Variants in SHISAL1 observed in about 807,000 individuals in gnomAD.
SHISAL1 encodes shisa like 1, also known as protein shisa-like-1.
A neutral mutation model predicts 22.6 loss-of-function variants in SHISAL1; 9 were observed. The ratio of observed to expected loss-of-function variants is 0.40; its 90% CI spans 0.24 to 0.70. The LOEUF (loss-of-function observed/expected upper bound fraction) is 0.70. Among genes scored for constraint, SHISAL1 ranks in the 30% least tolerant of loss-of-function variants. SHISAL1 has a pLI of 0.39. For missense variants in SHISAL1, 246 were observed against 270.6 expected (o/e 0.91, Z 0.64); for synonymous variants, 119 against 115.4 (o/e 1.03, Z -0.20).
In SHISAL1 at chr22:44,250,670, C is replaced by T. The variant is rs569819420; in HGVS notation, c.*-985G>A. 3.9e-4 allele frequency among the ~76,000 whole-genome samples: 60 copies of T among 152,210 alleles called. 1 individual carries two copies. The highest frequency in any genetic ancestry group is 3.3e-3 in the Admixed American group (50 of 15,284). On this transcript the variant is annotated intron_variant, in intron 4 of 4. Transcript: ENST00000381176. ...AGTCTATTGGGAAGGGGACATGAAT[C>T]CAGGGGGAAATGAACTATCTTGCAT... is the stretch of plus-strand genomic sequence containing the variant.
chr22:44,275,199 T>A (rs1455267389), intron 4 of SHISAL1, among the ~76,000 whole-genome samples: 1 of 151,942 alleles, frequency 6.6e-6, no homozygotes, highest in East Asian at 1.9e-4. Context: ...AGCTGCCAGG[T>A]GGAAGAGAAG....
rs1485698109 is a variant in SHISAL1, at chr22:44,245,997, CATGT to C, written c.*3684_*3687del. 1 of 152,224 alleles carries C rather than the reference CATGT, an allele frequency of 6.6e-6. No individual in the cohort carries two copies. Among genetic ancestry groups the C allele is most frequent in the Non-Finnish European group, 1.5e-5 (1 of 68,056 alleles). The allele number at this position is 152,224 out of a possible 1,614,324, so 9.4% of individuals were successfully genotyped here. ...TCACCTGTGTGTGTGCGCGCATGTG[CATGT>C]ATGTACTTGTGTGTTTTTTCAATTA... On this transcript the variant is annotated 3_prime_UTR_variant, in exon 5 of 5. Coordinates refer to ENST00000381176, the MANE Select transcript of SHISAL1 (RefSeq NM_001099294.2).
At chr22:44,308,515 C>T (rs576275483) in intron 1 of SHISAL1, among the ~76,000 whole-genome samples, 1 of 152,358 alleles carries the variant, frequency 6.6e-6, no homozygotes, top group East Asian at 1.9e-4. Context: ...CTCTCCAAAG[C>T]CGTAGCCTGG....
upstream of SHISAL1, among the ~76,000 whole-genome samples, chr22:44,315,874 C>A (rs958729142): frequency 6.6e-6 from 1 of 152,168 alleles, no homozygotes; most frequent in East Asian, 1.9e-4. Context: ...GGCAGCAGTT[C>A]CCCGGCCTCA....
At chr22:44,281,716 C>G (rs1239558157) in intron 4 of SHISAL1, among the ~76,000 whole-genome samples, 1 of 152,132 alleles carries the variant, frequency 6.6e-6, no homozygotes, top group Non-Finnish European at 1.5e-5. Flanking sequence ...CGGGTGGAGT[C>G]TTGGGGTCAC....
In SHISAL1 at chr22:44,285,665, G is replaced by A. The variant is rs777892945; in HGVS notation, c.362C>T (p.Ser121Leu). The A allele has an allele frequency of 9.3e-6, 15 of 1,614,042 alleles. No homozygotes were observed. The highest frequency in any genetic ancestry group is 1.3e-5 in the African/African-American group (1 of 74,926). The change falls in exon 4 of 5, where the codon TCG (serine) becomes TTG (leucine). Residue 121 changes from serine to leucine, a missense_variant. Around this residue, in one of 2 missense-constraint regions of SHISAL1, gnomAD observed 136 missense variants for 117.5 expected, o/e 1.16. Transcript: ENST00000381176. ...CTTGCAGATGTCGTAGTTCATTGCC[G>A]AGTAATACAAAAGGTCCAGAACCAG... ...MLLVLDLLYY[S>L]AMNYDICKVY... is the part of the protein sequence containing the mutation.
In SHISAL1 at chr22:44,244,924, G is replaced by A. The variant is rs2054985816; in HGVS notation, c.*4761C>T. On this transcript the variant is annotated 3_prime_UTR_variant, in exon 5 of 5. Coordinates refer to ENST00000381176, the MANE Select transcript of SHISAL1 (RefSeq NM_001099294.2). ...TTGCGTGCATTTAAGCACCAGCGTG[G>A]GACGTGTTGGTGCTACAGCAAGGAA... is the stretch of plus-strand genomic sequence containing the variant. 6.6e-6 allele frequency: 1 copy of A among 152,264 alleles called. No individual in the cohort carries two copies. The allele number at this position is 152,264 out of a possible 1,614,324, so 9.4% of individuals were successfully genotyped here.
intron 4 of SHISAL1, 85 bp from the exon 5 acceptor site, chr22:44,249,770 C>T: frequency 2.6e-6 from 2 of 765,374 alleles, no homozygotes; most frequent in Admixed American, 1.8e-5. Flanking sequence ...CGGAAGAAGC[C>T]AGGTTTTCTC....
chr22:44,269,656 AAT>A (rs796768635), intron 4 of SHISAL1, among the ~76,000 whole-genome samples: 345 of 150,438 alleles, frequency 2.3e-3, no homozygotes, highest in African/African-American at 7.2e-3. Context: ...ACACACACAC[AAT>A]GTCACATAGA....
intron 4 of SHISAL1, among the ~76,000 whole-genome samples, chr22:44,255,692 A>G (rs1333191417): frequency 6.6e-6 from 1 of 152,142 alleles, no homozygotes; most frequent in Non-Finnish European, 1.5e-5. Context: ...GAGAAAACCT[A>G]AGTCCAATTA....
At chr22:44,331,670 C>T in the SHISAL1 span, among the ~76,000 whole-genome samples, 2 of 148,542 alleles carry the variant, frequency 1.3e-5, no homozygotes, top group Non-Finnish European at 3.0e-5. This position sits in a 1 kb window ranked among gnomAD's most constrained non-coding sequence, Gnocchi z 5.2. Context: ...CCCTGATCGG[C>T]GCTCGGAAGG....
intron 3 of SHISAL1, among the ~76,000 whole-genome samples, chr22:44,289,170 G>A (rs945085642): frequency 2.0e-5 from 3 of 152,216 alleles, no homozygotes; most frequent in Admixed American, 6.5e-5. Context: ...TGAGGGAGGA[G>A]CTAGTGTTCC....
intron 3 of SHISAL1, among the ~76,000 whole-genome samples, chr22:44,294,838 G>A (rs2055374947): frequency 6.6e-6 from 1 of 152,076 alleles, no homozygotes; most frequent in Non-Finnish European, 1.5e-5. Context: ...TATAGTGGAA[G>A]GAAAGACCCA....
intron 4 of SHISAL1, among the ~76,000 whole-genome samples, chr22:44,276,311 C>T (rs897213510): frequency 2.0e-5 from 3 of 152,084 alleles, no homozygotes; most frequent in Non-Finnish European, 4.4e-5. Context: ...GTGGCTGCAG[C>T]AAGCGGCAGT....
At chr22:44,259,578 G>C (rs1454021526) in intron 4 of SHISAL1, among the ~76,000 whole-genome samples, 1 of 152,146 alleles carries the variant, frequency 6.6e-6, no homozygotes, top group Admixed American at 6.5e-5. Context: ...GTTCCGAGAA[G>C]CACTTCCTGC....
At chr22:44,327,235 G>GCGC in the SHISAL1 span, among the ~76,000 whole-genome samples, 15 of 107,870 alleles carry the variant, frequency 1.4e-4, no homozygotes, top group African/African-American at 5.6e-4. Context: ...GAGAGTGGGG[G>GCGC]GCGCGCACAC....
At chr22:44,271,114 C>T (rs2055203104) in intron 4 of SHISAL1, among the ~76,000 whole-genome samples, 1 of 152,094 alleles carries the variant, frequency 6.6e-6, no homozygotes, top group African/African-American at 2.4e-5. Context: ...TGATTTCATC[C>T]CCATGATCCC....
intron 4 of SHISAL1, among the ~76,000 whole-genome samples, chr22:44,268,386 C>T (rs991671326): frequency 6.6e-6 from 1 of 152,212 alleles, no homozygotes; most frequent in Non-Finnish European, 1.5e-5. Flanking sequence ...GTCAGCACCT[C>T]CATTAGCCAG....
chr22:44,256,370 C>T (rs2055085223), intron 4 of SHISAL1, among the ~76,000 whole-genome samples: 1 of 152,322 alleles, frequency 6.6e-6, no homozygotes, highest in Admixed American at 6.5e-5. Context: ...GCTTGCTAAC[C>T]CAGACCTTTG....
Sources: gnomAD v4.1 joint callset for allele counts (sites outside exome capture counted in the v4.1 genomes callset) on GRCh38, gnomAD v4.1.1 for gene constraint, gnomAD v4.1.1 regional missense constraint, Gnocchi (gnomAD v3.1) non-coding constraint, MANE v1.5 for transcripts, NCBI Gene and HGNC (gene_info 2026-07-23, HGNC 2026-07-21) for gene names.